The following SEMA6A variants were observed in gnomAD, a reference collection of about 807,000 sequenced individuals.
The protein encoded by SEMA6A is semaphorin 6A.
In SEMA6A, 25 loss-of-function variants were observed where a neutral mutation model predicts 96.8. That is an observed-to-expected ratio of 0.26 (90% CI 0.19 to 0.36). The LOEUF is 0.36. SEMA6A is among the 10% of genes least tolerant of loss of function. The pLI, the probability that SEMA6A is intolerant of heterozygous loss-of-function variation, is 1.00. For missense variants in SEMA6A, 1,363 were observed against 1,323.1 expected (o/e 1.03, Z -0.47); for synonymous variants, 612 against 518.0 (o/e 1.18, Z -2.46).
At chr5:116,487,515 A>G (rs1431295731) in intron 9 of SEMA6A, among the ~76,000 whole-genome samples, 1 of 152,140 alleles carries the variant, frequency 6.6e-6, no homozygotes. Context: ...GAGCAACTCA[A>G]TTAAGAAAAA....
At chr5:116,473,626 T>C (rs1364960126) in intron 16 of SEMA6A, among the ~76,000 whole-genome samples, 1 of 152,218 alleles carries the variant, frequency 6.6e-6, no homozygotes, top group Non-Finnish European at 1.5e-5. Context: ...GTGCTGTGTG[T>C]TGGGGTCAGA....
At chr5:116,456,998 T>G (rs1755054471) in intron 18 of SEMA6A, among the ~76,000 whole-genome samples, 1 of 152,210 alleles carries the variant, frequency 6.6e-6, no homozygotes, top group African/African-American at 2.4e-5. Flanking sequence ...TGAGTTCATG[T>G]GTCATTCACC....
chr5:116,547,999 G>GTTAT (rs567563281), intron 1 of SEMA6A, among the ~76,000 whole-genome samples: 1,574 of 152,228 alleles, frequency 0.01, 24 homozygotes, highest in Non-Finnish European at 0.012. Flanking sequence ...TGGTAGCATG[G>GTTAT]TTATTTTGAA....
chr5:116,556,751 T>C (rs1033434491), intron 1 of SEMA6A, among the ~76,000 whole-genome samples: 3 of 152,210 alleles, frequency 2.0e-5, no homozygotes, highest in Admixed American at 6.5e-5. Context: ...ATGATTTTAG[T>C]TGTTCTTCCT....
chr5:116,532,614 T>C (rs1759532150), intron 1 of SEMA6A, among the ~76,000 whole-genome samples: 1 of 152,114 alleles, frequency 6.6e-6, no homozygotes, highest in Non-Finnish European at 1.5e-5. Context: ...CTGGGGTGTG[T>C]TTATTTGATG....
At chr5:116,517,319 C>T (rs926561477) in intron 1 of SEMA6A, among the ~76,000 whole-genome samples, 1 of 151,858 alleles carries the variant, frequency 6.6e-6, no homozygotes, top group East Asian at 1.9e-4. Flanking sequence ...TGGGACACTA[C>T]ATGCCTTCGT....
intron 1 of SEMA6A, among the ~76,000 whole-genome samples, chr5:116,525,050 G>A (rs1386977005): frequency 6.6e-6 from 1 of 152,132 alleles, no homozygotes; most frequent in Non-Finnish European, 1.5e-5. Context: ...CCTGGAGCAA[G>A]GACAAAAGTT....
chr5:116,557,227 ACTTTT>A (rs1018451884), intron 1 of SEMA6A, among the ~76,000 whole-genome samples: 1 of 152,152 alleles, frequency 6.6e-6, no homozygotes, highest in African/African-American at 2.4e-5. Context: ...TGGTTGAAAT[ACTTTT>A]CTTTTTGTTT....
intron 1 of SEMA6A, among the ~76,000 whole-genome samples, chr5:116,551,670 C>T (rs1172239826): frequency 6.6e-6 from 1 of 152,150 alleles, no homozygotes; most frequent in Middle Eastern, 3.2e-3. Context: ...GTCTCTTCTC[C>T]CATGCACATA....
At chr5:116,448,352 G>GA (rs1480726944) in intron 18 of SEMA6A, among the ~76,000 whole-genome samples, 1 of 151,790 alleles carries the variant, frequency 6.6e-6, no homozygotes, top group South Asian at 2.1e-4. Context: ...TTCAAAAAAA[G>GA]AAAGAAAGAA....
intron 18 of SEMA6A, among the ~76,000 whole-genome samples, chr5:116,466,555 A>C (rs1426550511): frequency 6.6e-6 from 1 of 152,166 alleles, no homozygotes; most frequent in African/African-American, 2.4e-5. Context: ...GATGAGAAGC[A>C]AAAAAGCAGA....
intron 1 of SEMA6A, among the ~76,000 whole-genome samples, chr5:116,525,035 T>C (rs1759158468): frequency 6.6e-6 from 1 of 152,222 alleles, no homozygotes; most frequent in South Asian, 2.1e-4. Flanking sequence ...AGACAATTCT[T>C]TATTCCTGGA....
intron 18 of SEMA6A, among the ~76,000 whole-genome samples, chr5:116,456,775 C>A (rs1331667338): frequency 6.6e-6 from 1 of 152,136 alleles, no homozygotes; most frequent in African/African-American, 2.4e-5. Flanking sequence ...CTTGATGGAG[C>A]CCACCATTGG....
chr5:116,446,830 G>A lies in SEMA6A; in HGVS notation c.2876C>T (p.Pro959Leu), dbSNP rs369274456. 16 of 1,613,830 alleles carry A rather than the reference G, an allele frequency of 9.9e-6. No homozygotes were observed. Among genetic ancestry groups the A allele is most frequent in the East Asian group, 2.2e-5 (1 of 44,874 alleles). The change falls in exon 19 of 19, where the codon CCG (proline) becomes CTG (leucine). Residue 959 changes from proline to leucine, a missense_variant. By Grantham distance (98) the Pro-to-Leu change is moderately conservative. This residue lies in a region of SEMA6A where 883 missense variants were observed against 763.6 expected (regional missense o/e 1.16). Transcript: ENST00000343348. ...GTCCACCCTCTGCGGGGCGGGCGGC[G>A]GGTTGTCTCCCCTGCCAAAGCTCTG... Reference protein sequence around the residue: ...RNQSFGRGDNPPPAPQRVDSI... With the variant: ...RNQSFGRGDNLPPAPQRVDSI...
chr5:116,547,166 A>G (rs533005974), intron 1 of SEMA6A, among the ~76,000 whole-genome samples: 1 of 152,178 alleles, frequency 6.6e-6, no homozygotes, highest in Non-Finnish European at 1.5e-5. Flanking sequence ...AACAAAATTT[A>G]TCTTTTTTGT....
chr5:116,508,492 C>T (rs961944031), intron 1 of SEMA6A, among the ~76,000 whole-genome samples: 4 of 152,162 alleles, frequency 2.6e-5, no homozygotes, highest in South Asian at 2.1e-4. Context: ...CAGAGTACCA[C>T]GCAGGCTCAC....
At chr5:116,478,339 CACAT>C (rs939889379) in intron 13 of SEMA6A, 185 bp from the exon 14 acceptor site, 9 of 759,260 alleles carry the variant, frequency 1.2e-5, no homozygotes, top group African/African-American at 1.8e-5. Flanking sequence ...TAAACACACA[CACAT>C]ATATGTATCT....
chr5:116,478,621 A>T lies in SEMA6A; in HGVS notation c.1348T>A (p.Phe450Ile), dbSNP rs778255429. Reference sequence around the variant, plus strand: ...CCACTATTTCCTATTCTGGCCAAAAACTTCAAGATGATTCCCTTCTCTGAT... The same window carrying T: ...CCACTATTTCCTATTCTGGCCAAAATCTTCAAGATGATTCCCTTCTCTGAT... ...LGSEKGIILKFLARIGNSGFL... is the reference protein window; with the variant it reads ...LGSEKGIILKILARIGNSGFL... The change falls in exon 13 of 19, where the codon TTT becomes ATT. Residue 450 changes from phenylalanine (F) to isoleucine (I), a missense_variant. Physicochemically the swap from Phe to Ile is conservative, Grantham distance 21 (BLOSUM62 0). Around this residue, in one of 2 missense-constraint regions of SEMA6A, gnomAD observed 883 missense variants for 763.6 expected, o/e 1.16. Transcript: ENST00000343348. 1 of 1,613,606 alleles carries T rather than the reference A, an allele frequency of 6.2e-7. No individual in the cohort carries two copies. Among genetic ancestry groups the T allele is most frequent in the Admixed American group, 1.7e-5 (1 of 59,966 alleles).
chr5:116,487,025 G>A, intron 9 of SEMA6A, 59 bp from the exon 10 acceptor site: 1 of 1,228,590 alleles, frequency 8.1e-7, no homozygotes, highest in South Asian at 1.2e-5. Flanking sequence ...GGAGATCTTA[G>A]TAGAATCTGC....
Sources: gnomAD v4.1 joint callset for allele counts (sites outside exome capture counted in the v4.1 genomes callset) on GRCh38, gnomAD v4.1.1 for gene constraint, gnomAD v4.1.1 regional missense constraint, MANE v1.5 for transcripts, NCBI Gene and HGNC (gene_info 2026-07-23, HGNC 2026-07-21) for gene names.